Variants in TTC14 observed in about 807,000 individuals in gnomAD.
The protein encoded by TTC14 is tetratricopeptide repeat domain 14.
TTC14 carries 63 observed loss-of-function variants against 79.9 expected under a neutral mutation model. The observed-to-expected ratio is 0.79, with a 90% CI of 0.64 to 0.97. The LOEUF is 0.97. Among genes scored for constraint, TTC14 ranks in the 50% least tolerant of loss-of-function variants. The pLI is 0.00. For missense variants in TTC14, 895 were observed against 894.0 expected (o/e 1.00, Z -0.01); for synonymous variants, 335 against 309.6 (o/e 1.08, Z -0.86).
intron 2 of TTC14, 38 bp downstream of exon 2, chr3:180,603,053 G>T: frequency 6.2e-7 from 1 of 1,610,770 alleles, no homozygotes. Flanking sequence ...TTGCGGTTCG[G>T]TTTAACAGTA....
intron 5 of TTC14, 41 bp from the exon 6 acceptor site, chr3:180,604,811 A>G (rs200400774): frequency 3.8e-6 from 6 of 1,565,738 alleles, no homozygotes; most frequent in South Asian, 1.2e-5. Context: ...TGGAATGTCA[A>G]ATTAGTCATT....
chr3:180,609,125 G>A lies in TTC14; in HGVS notation c.1400+315G>A, dbSNP rs183877007. On this transcript the variant is annotated intron_variant, in intron 11 of 11. Coordinates refer to ENST00000296015, the MANE Select transcript of TTC14 (RefSeq NM_133462.4). The stretch of plus-strand genomic sequence containing the variant: ...CAACTAGGGGTGGATTTATTCACCC[G>A]GGGACATTTGACAAGATGTGGAGAC... 6.1e-5 allele frequency: 47 copies of A among 765,110 alleles called. No individual in the cohort carries two copies. In the East Asian group the frequency reaches 7.8e-4, roughly 13 times the overall value. 47.4% of individuals were successfully genotyped at this position (765,110 alleles called of 1,614,324 possible). A position where few individuals can be genotyped will look rare whatever the true frequency, so the allele number is the denominator to read the frequency against.
At chr3:180,611,142 C>A, downstream of TTC14, 1 of 985,180 alleles carries the variant, frequency 1.0e-6, no homozygotes, top group Non-Finnish European at 1.2e-6. Context: ...TGGCTTCCAC[C>A]CAGCATAAGT....
chr3:180,615,094 A>C (rs571692210), downstream of TTC14: 4 of 1,506,268 alleles, frequency 2.7e-6, no homozygotes, highest in African/African-American at 5.7e-5. Flanking sequence ...GAAAAACCAG[A>C]ATTATAAATT....
chr3:180,604,533 C>T lies in TTC14; in HGVS notation c.627C>T (p.Ser209=). 1 of 1,610,854 alleles carries T rather than the reference C, an allele frequency of 6.2e-7. No individual in the cohort carries two copies. The highest frequency in any genetic ancestry group is 1.1e-5 in the South Asian group (1 of 90,706). The change falls in exon 5 of 12, where the codon AGC becomes AGT. Residue 209 remains serine (S), a synonymous_variant. Transcript: ENST00000296015. ...AAAAGCTAGCAGTATCTCTGTATAGCTCTTCTCTTCCACCACACCTATCTG... is the reference window on the plus strand; with the variant it reads ...AAAAGCTAGCAGTATCTCTGTATAGTTCTTCTCTTCCACCACACCTATCTG... The part of the protein sequence containing the change: ...YHEKLAVSLY[S]SSLPPHLSGI...
intron 1 of TTC14, 58 bp downstream of exon 1, chr3:180,602,480 C>T (rs1716417386): frequency 2.6e-6 from 4 of 1,515,140 alleles, no homozygotes; most frequent in Non-Finnish European, 3.5e-6. Context: ...CTGGCAGCCA[C>T]TACCGCAGCC....
Position 180,616,967 on chromosome 3 carries a change from C to T in TTC14, c.1775-413C>T. On this transcript the variant is annotated intron_variant, in intron 12 of 12. Transcript: ENST00000382584. ...TAACATCTAATGTATTTTCCATGCT[C>T]TGTAGAAAAAATATTAACATGTATT... 2 of 1,321,908 alleles carry T rather than the reference C, an allele frequency of 1.5e-6. No individual in the cohort carries two copies. The highest frequency in any genetic ancestry group is 2.1e-6 in the Non-Finnish European group (2 of 973,906). 81.9% of individuals were successfully genotyped at this position (1,321,908 alleles called of 1,614,324 possible).
In TTC14 at chr3:180,607,716, C is replaced by CT; in HGVS notation, c.1245dup (p.Lys416Ter). The CT allele has an allele frequency of 6.2e-7, 1 of 1,612,398 alleles. No homozygotes were observed. Among genetic ancestry groups the CT allele is most frequent in the Non-Finnish European group, 8.5e-7 (1 of 1,179,240 alleles). ...AAGAAAGCTTTGGCTTTGGATGAGA[C>CT]TTTTAAAGATGCAGAGGATGCTTTG... On this transcript the variant is annotated frameshift_variant, in exon 10 of 12. Transcript: ENST00000296015. LOFTEE classifies it high-confidence loss of function.
chr3:180,604,739 A>AGAT, intron 5 of TTC14, 113 bp from the exon 6 acceptor site: 1 of 1,415,622 alleles, frequency 7.1e-7, no homozygotes. Context: ...TTGCCACACC[A>AGAT]TCTTATGCAA....
chr3:180,608,812 T>A lies in TTC14; in HGVS notation c.1400+2T>A. 1 of 1,520,674 alleles carries A rather than the reference T, an allele frequency of 6.6e-7. No individual in the cohort carries two copies. The highest frequency in any genetic ancestry group is 1.4e-5 in the African/African-American group (1 of 70,720). The allele number at this position is 1,520,674 out of a possible 1,614,324, so 94.2% of individuals were successfully genotyped here. A position where few individuals can be genotyped will look rare whatever the true frequency, so the allele number is the denominator to read the frequency against. ...TAAGCTCTTAAAAGAAGAGAAGAGG[T>A]AAACTATAATATTCAGTATTTTTAA... On this transcript the variant is annotated splice_donor_variant, in intron 11 of 11. Coordinates refer to ENST00000296015, the MANE Select transcript of TTC14 (RefSeq NM_133462.4). LOFTEE classifies it high-confidence loss of function.
In TTC14 at chr3:180,602,175, C is replaced by A; in HGVS notation, c.-87C>A. The A allele has an allele frequency of 6.5e-7, 1 of 1,530,720 alleles. No homozygotes were observed. Among genetic ancestry groups the A allele is most frequent in the Non-Finnish European group, 8.8e-7 (1 of 1,132,152 alleles). The allele number at this position is 1,530,720 out of a possible 1,614,324, so 94.8% of individuals were successfully genotyped here. ...TCCGGCAGCCTCCAGACAGTTTCTT[C>A]CGCTTCCTGTACCACCCGGCTCAAG... On this transcript the variant is annotated 5_prime_UTR_variant, in exon 1 of 12. Transcript: ENST00000296015.
Position 180,616,324 on chromosome 3 carries a change from G to A in TTC14, c.1775-1056G>A, listed in dbSNP as rs745852520. 5.9e-5 allele frequency: 95 copies of A among 1,613,118 alleles called. No homozygotes were observed. The highest frequency in any genetic ancestry group is 1.2e-4 in the African/African-American group (9 of 74,848). ...TGTGAAGGAGATCTAGAGCTCTGAC[G>A]ACTGCCTTTTGTGCTAGCTGTAGGT... On this transcript the variant is annotated intron_variant, in intron 12 of 12. Coordinates refer to the TTC14 transcript ENST00000382584.
At chr3:180,606,420 C>T (rs201830559) in intron 8 of TTC14, 48 bp downstream of exon 8, 247 of 1,612,782 alleles carry the variant, frequency 1.5e-4, no homozygotes, top group Non-Finnish European at 1.9e-4. Flanking sequence ...CAGGTAAATG[C>T]GAACAAGATT....
chr3:180,611,012 T>G lies in TTC14; in HGVS notation c.*470T>G, dbSNP rs1716973692. On this transcript the variant is annotated 3_prime_UTR_variant, in exon 12 of 12. Transcript: ENST00000296015. Reference sequence around the variant, plus strand: ...GAATGTTTCTTGAACACTTTTATATTTATCAGTTTAAATATTACATTTTTT... The same window carrying G: ...GAATGTTTCTTGAACACTTTTATATGTATCAGTTTAAATATTACATTTTTT... 2 of 934,928 alleles carry G rather than the reference T, an allele frequency of 2.1e-6. No homozygotes were observed. The highest frequency in any genetic ancestry group is 2.6e-6 in the Non-Finnish European group (2 of 784,272). 57.9% of individuals were successfully genotyped at this position (934,928 alleles called of 1,614,324 possible). A position where few individuals can be genotyped will look rare whatever the true frequency, so the allele number is the denominator to read the frequency against.
At chr3:180,611,233 T>G, downstream of TTC14, 149 of 818,832 alleles carry the variant, frequency 1.8e-4, no homozygotes, top group East Asian at 2.5e-4. Context: ...ATTGCTAGCA[T>G]AGCCATAAAA....
intron 12 of TTC14, chr3:180,616,226 C>A: frequency 6.8e-7 from 1 of 1,465,398 alleles, no homozygotes. Flanking sequence ...TGGCTGGAAT[C>A]ACTTAGTGTA....
Position 180,603,241 on chromosome 3 carries a change from C to G in TTC14, c.404C>G (p.Ser135Cys). The G allele has an allele frequency of 6.2e-7, 1 of 1,613,930 alleles. No individual in the cohort carries two copies. The highest frequency in any genetic ancestry group is 8.5e-7 in the Non-Finnish European group (1 of 1,179,990). ...RGDIVIGRIS[S>C]IREFGFFMVL... ...GATATAGTGATTGGAAGAATTAGTT[C>G]TATTCGGGAATTCGGTTTTTTCATG... Residue 135 changes from serine (S) to cysteine (C), a missense_variant, in exon 3 of 12, where the codon TCT (serine) becomes TGT (cysteine). Ser to Cys is a moderately radical substitution (Grantham distance 112). Transcript: ENST00000296015.
chr3:180,611,662 C>CAGAT (rs994015811), downstream of TTC14, among the ~76,000 whole-genome samples: 2 of 152,112 alleles, frequency 1.3e-5, no homozygotes, highest in African/African-American at 2.4e-5. Flanking sequence ...CTTTGGGAGA[C>CAGAT]AGATAGAGAT....
rs201415238 is a variant in TTC14 at position 180,606,262 on chromosome 3, C to T, written c.939C>T (p.Ile313=). ...SASWALKCVK[I]GVDYFKVGRH... ...CAAATGTCTTTTTTAGTGTGAAGAT[C>T]GGAGTTGACTATTTTAAAGTTGGAC... Residue 313 remains isoleucine (I), a synonymous_variant, in exon 8 of 12, where the codon ATC becomes ATT. Transcript: ENST00000296015. 212 of 1,613,802 alleles carry T rather than the reference C, an allele frequency of 1.3e-4. No homozygotes were observed. The highest frequency in any genetic ancestry group is 8.7e-4 in the Admixed American group (52 of 59,964).
Sources: allele counts gnomAD v4.1 joint callset (sites outside exome capture counted in the v4.1 genomes callset), GRCh38; gene constraint gnomAD v4.1.1; transcripts MANE v1.5; gene names NCBI Gene and HGNC (gene_info 2026-07-23, HGNC 2026-07-21).